CTNNA2: variants seen among roughly 807,000 people sequenced by gnomAD.
CTNNA2 encodes catenin alpha 2.
A neutral mutation model predicts 101.0 loss-of-function variants in CTNNA2; 42 were observed. The observed-to-expected ratio is 0.42, with a 90% CI of 0.32 to 0.54. The LOEUF is 0.54. Among genes scored for constraint, CTNNA2 ranks in the 20% least tolerant of loss-of-function variants. The probability of loss-of-function intolerance (pLI) is 0.14; values close to 1 mark genes in which losing one functional copy is unlikely to be tolerated. For synonymous variants in CTNNA2, 450 were observed against 456.4 expected (o/e 0.99, Z 0.18); for missense variants, 871 against 1,223.1 (o/e 0.71, Z 4.29).
chr2:79,289,181 G>T (rs1057234261), intron 2 of CTNNA2, among the ~76,000 whole-genome samples: 11 of 152,186 alleles, frequency 7.2e-5, no homozygotes, highest in African/African-American at 2.7e-4. Flanking sequence ...ATTCGAGAGG[G>T]TGGACTATAG....
intron 2 of CTNNA2, among the ~76,000 whole-genome samples, chr2:79,260,908 C>T (rs918315255): frequency 2.0e-5 from 3 of 152,124 alleles, no homozygotes; most frequent in Non-Finnish European, 4.4e-5. Flanking sequence ...TTTATATAGG[C>T]CTAATTCATC....
intron 4 of CTNNA2, among the ~76,000 whole-genome samples, chr2:79,385,965 G>C (rs1488188471): frequency 6.6e-6 from 1 of 152,056 alleles, no homozygotes; most frequent in Non-Finnish European, 1.5e-5. Flanking sequence ...CCAAGTCTTT[G>C]CTATTGAAGA....
At chr2:79,289,695 A>G (rs1675741040) in intron 2 of CTNNA2, among the ~76,000 whole-genome samples, 1 of 152,304 alleles carries the variant, frequency 6.6e-6, no homozygotes, top group East Asian at 1.9e-4. Flanking sequence ...CAGTGAGCTG[A>G]GATTGCGCCA....
At chr2:79,521,158 ATATAT>A (rs1558695249) in intron 1 of CTNNA2, among the ~76,000 whole-genome samples, 34 of 85,084 alleles carry the variant, frequency 4.0e-4, no homozygotes, top group African/African-American at 1.6e-3. Flanking sequence ...ATATATATAT[ATATAT>A]ATATAAATTT....
At chr2:80,226,795 C>T (rs1708912914) in intron 7 of CTNNA2, among the ~76,000 whole-genome samples, 1 of 152,090 alleles carries the variant, frequency 6.6e-6, no homozygotes, top group Non-Finnish European at 1.5e-5. Flanking sequence ...GACATAGAAA[C>T]ATCTCCCTCT....
At chr2:79,377,965 T>C (rs1417373299) in intron 4 of CTNNA2, among the ~76,000 whole-genome samples, 2 of 152,162 alleles carry the variant, frequency 1.3e-5, no homozygotes, top group Non-Finnish European at 2.9e-5. Context: ...GCACATACAG[T>C]AAAATCTAAT....
chr2:79,397,353 C>T (rs898198326), intron 4 of CTNNA2, among the ~76,000 whole-genome samples: 1 of 151,870 alleles, frequency 6.6e-6, no homozygotes, highest in African/African-American at 2.4e-5. Context: ...CCTTAATCAC[C>T]TTCTCTTCAT....
intron 9 of CTNNA2, among the ~76,000 whole-genome samples, chr2:80,455,685 G>T (rs997813578): frequency 1.3e-5 from 2 of 152,162 alleles, no homozygotes; most frequent in Admixed American, 1.3e-4. Flanking sequence ...CACCAAGATG[G>T]TGGTGACTAA....
intron 4 of CTNNA2, among the ~76,000 whole-genome samples, chr2:79,865,452 T>G (rs1338352733): frequency 1.3e-5 from 2 of 152,210 alleles, no homozygotes; most frequent in Non-Finnish European, 2.9e-5. Context: ...GTTTTGTCAG[T>G]GTCACTTAAA....
At chr2:79,957,549 C>A (rs6740302) in intron 7 of CTNNA2, among the ~76,000 whole-genome samples, 60,609 of 152,012 alleles carry the variant, frequency 0.4, 12,514 homozygotes, top group Admixed American at 0.46. Context: ...AAAGTTAGTT[C>A]TTTCCCATAC....
chr2:80,634,394 G>C (rs1040758982), intron 18 of CTNNA2, among the ~76,000 whole-genome samples: 1 of 152,096 alleles, frequency 6.6e-6, no homozygotes, highest in Non-Finnish European at 1.5e-5. Context: ...TTTCTAGGCA[G>C]AAGAAATAGT....
At chr2:79,785,197 T>C (rs1230008610) in intron 3 of CTNNA2, among the ~76,000 whole-genome samples, 1 of 152,180 alleles carries the variant, frequency 6.6e-6, no homozygotes, top group Non-Finnish European at 1.5e-5. Flanking sequence ...TGTTCAGAAG[T>C]TGCCAATGGC....
At chr2:79,822,773 T>C (rs1678112849) in intron 3 of CTNNA2, among the ~76,000 whole-genome samples, 1 of 152,176 alleles carries the variant, frequency 6.6e-6, no homozygotes, top group Non-Finnish European at 1.5e-5. Flanking sequence ...ACCTTATATC[T>C]GGCCTGCAGA....
At chr2:79,625,562 T>A (rs1190658855) in intron 1 of CTNNA2, among the ~76,000 whole-genome samples, 1 of 152,198 alleles carries the variant, frequency 6.6e-6, no homozygotes, top group Non-Finnish European at 1.5e-5. Context: ...ATTGTATTTC[T>A]TACTGTGGGT....
rs1674683062 is a variant in CTNNA2, at chr2:79,245,138, T to C, written c.-406+47062T>C. On this transcript the variant is annotated intron_variant, in intron 2 of 21. Transcript: ENST00000466387. ...GAAAGAAATCAGTGTGCAAATTACATAGGATTTCTTTCCTTAAAGAAATGC... is the reference window on the plus strand; with the variant it reads ...GAAAGAAATCAGTGTGCAAATTACACAGGATTTCTTTCCTTAAAGAAATGC... Among the ~76,000 whole-genome samples, 4 of 150,668 alleles carry C rather than the reference T, an allele frequency of 2.7e-5. No homozygotes were observed. In the South Asian group the frequency reaches 8.4e-4, roughly 32 times the overall value.
At chr2:79,802,987 C>T in intron 3 of CTNNA2, among the ~76,000 whole-genome samples, 1 of 152,114 alleles carries the variant, frequency 6.6e-6, no homozygotes, top group South Asian at 2.1e-4. Context: ...AAAATAAGTT[C>T]TGTATAAATG....
rs578105987 is a variant in CTNNA2, at chr2:79,739,541, T to G, written c.103-4846T>G. The stretch of plus-strand genomic sequence containing the variant: ...CTTATGATGAATGTTTAAGAAAGCA[T>G]GCTGATATTTGCCTTTTTTAAAATA... On this transcript the variant is annotated intron_variant, in intron 2 of 18. Coordinates refer to ENST00000402739, the MANE Select transcript of CTNNA2 (RefSeq NM_001282597.3). Among the ~76,000 whole-genome samples the G allele has an allele frequency of 7.9e-5, 12 of 152,354 alleles. 1 individual carries two copies. The East Asian group carries it at 2.3e-3, about 29-fold the overall frequency.
chr2:79,748,575 G>T (rs897932910), intron 3 of CTNNA2, among the ~76,000 whole-genome samples: 59 of 151,918 alleles, frequency 3.9e-4, no homozygotes, highest in Non-Finnish European at 7.6e-4. Flanking sequence ...TATTGTACAT[G>T]TCCATTTTCA....
In CTNNA2 at chr2:79,966,610, C is replaced by A. The variant is rs1001509386; in HGVS notation, c.1056+56813C>A. On this transcript the variant is annotated intron_variant, in intron 7 of 18. Transcript: ENST00000402739. ...GGCAAGAGCATACCTGTGATCATAA[C>A]AGGAAGGAAAAAAGCTGGGAAGAAA... is the stretch of plus-strand genomic sequence containing the variant. Among the ~76,000 whole-genome samples, 4 of 152,036 alleles carry A rather than the reference C, an allele frequency of 2.6e-5. No homozygotes were observed. The South Asian group carries it at 8.3e-4, about 32-fold the overall frequency.
Sources: gnomAD v4.1 joint callset for allele counts (sites outside exome capture counted in the v4.1 genomes callset) on GRCh38, gnomAD v4.1.1 for gene constraint, MANE v1.5 for transcripts, NCBI Gene and HGNC (gene_info 2026-07-23, HGNC 2026-07-21) for gene names.